Variants in RELCH observed in about 807,000 individuals in gnomAD.
RELCH encodes the protein RAB11-binding protein RELCH.
In RELCH, 41 loss-of-function variants were observed where a neutral mutation model predicts 150.3. That is an observed-to-expected ratio of 0.27 (90% CI 0.21 to 0.35). The LOEUF (loss-of-function observed/expected upper bound fraction) is 0.35, where lower values mean the gene tolerates loss of function less well. Among genes scored for constraint, RELCH ranks in the 10% least tolerant of loss-of-function variants. The pLI, the probability that RELCH is intolerant of heterozygous loss-of-function variation, is 1.00. For missense variants in RELCH, 1,092 were observed against 1,467.8 expected (o/e 0.74, Z 4.18); for synonymous variants, 478 against 531.8 (o/e 0.90, Z 1.39).
chr18:62,213,831 A>G (rs535771304), intron 2 of RELCH, among the ~76,000 whole-genome samples: 1 of 152,084 alleles, frequency 6.6e-6, no homozygotes, highest in South Asian at 2.1e-4. Flanking sequence ...CCTCTGACCA[A>G]ATTTCACTGT....
At chr18:62,255,531 C>A in intron 13 of RELCH, 53 bp downstream of exon 13, 2 of 1,318,720 alleles carry the variant, frequency 1.5e-6, no homozygotes, top group Non-Finnish European at 2.1e-6. Context: ...AATAGAAAAA[C>A]CTTTTTTTGA....
chr18:62,273,517 C>T lies in RELCH; in HGVS notation c.2761-463C>T, dbSNP rs1259432834. ...GCCAAAATTTATGGGAACAAAAATTCGTAAGGTAAATTTTAATAAAAGATT... is the reference window on the plus strand; with the variant it reads ...GCCAAAATTTATGGGAACAAAAATTTGTAAGGTAAATTTTAATAAAAGATT... On this transcript the variant is annotated intron_variant, in intron 20 of 28. Coordinates refer to ENST00000644646, the MANE Select transcript of RELCH (RefSeq NM_001346231.2). 3.9e-5 allele frequency among the ~76,000 whole-genome samples: 6 copies of T among 152,090 alleles called. No individual in the cohort carries two copies. The East Asian group carries it at 7.7e-4, about 20-fold the overall frequency.
chr18:62,295,591 G>GT (rs1006671394), intron 27 of RELCH, among the ~76,000 whole-genome samples: 3 of 151,698 alleles, frequency 2.0e-5, no homozygotes, highest in East Asian at 1.9e-4. Context: ...CTTTTTGTTT[G>GT]TTTTTTTGAG....
At position 62,307,784 on chromosome 18, in the gene RELCH, C is replaced by T. The variant is rs1325668583; in HGVS notation, c.*2250C>T. The stretch of plus-strand genomic sequence containing the variant: ...AATGAAAAGCTAATTTGAAATTATA[C>T]CTGTGTTTCCAGAGTAATCCAGAGA... On this transcript the variant is annotated 3_prime_UTR_variant, in exon 29 of 29. Transcript: ENST00000644646. 3 of 152,104 alleles carry T rather than the reference C, an allele frequency of 2.0e-5. No homozygotes were observed. The highest frequency in any genetic ancestry group is 4.4e-5 in the Non-Finnish European group (3 of 68,006). The allele number at this position is 152,104 out of a possible 1,614,324, so 9.4% of individuals were successfully genotyped here. A position where few individuals can be genotyped will look rare whatever the true frequency, so the allele number is the denominator to read the frequency against.
At chr18:62,256,388 C>T (rs1022822165) in intron 13 of RELCH, among the ~76,000 whole-genome samples, 3 of 151,876 alleles carry the variant, frequency 2.0e-5, no homozygotes, top group East Asian at 1.9e-4. Context: ...GAACTAGGCA[C>T]GGTGAAATTT....
intron 10 of RELCH, among the ~76,000 whole-genome samples, chr18:62,244,179 A>C (rs1275187435): frequency 6.6e-6 from 1 of 152,124 alleles, no homozygotes; most frequent in African/African-American, 2.4e-5. Context: ...ATGTGAAGAA[A>C]ACAAAATATT....
At chr18:62,211,311 T>A in intron 2 of RELCH, 69 bp downstream of exon 2, 1 of 956,260 alleles carries the variant, frequency 1.0e-6, no homozygotes, top group Non-Finnish European at 1.7e-6. Context: ...GCTTGAGGAA[T>A]TTTTTTCCTT....
chr18:62,261,423 C>T (rs2043263585), intron 15 of RELCH, 88 bp from the exon 16 acceptor site: 1 of 1,224,200 alleles, frequency 8.2e-7, no homozygotes, highest in Non-Finnish European at 1.2e-6. Flanking sequence ...CTTTGATTTG[C>T]CACAGTAAGG....
At chr18:62,254,672 A>T (rs1020219089) in intron 12 of RELCH, 1 of 151,894 alleles carries the variant, frequency 6.6e-6, no homozygotes, top group African/African-American at 2.4e-5. Flanking sequence ...TTATTATATA[A>T]TTTTTTTTCT....
intron 28 of RELCH, among the ~76,000 whole-genome samples, chr18:62,301,207 A>G (rs1404317966): frequency 6.6e-6 from 1 of 152,206 alleles, no homozygotes; most frequent in Admixed American, 6.5e-5. Flanking sequence ...GGGAACTGTA[A>G]GTAAAGCTAG....
intron 13 of RELCH, among the ~76,000 whole-genome samples, chr18:62,255,893 G>T (rs2042972798): frequency 6.6e-6 from 1 of 152,102 alleles, no homozygotes; most frequent in African/African-American, 2.4e-5. Flanking sequence ...AATCAGGGCA[G>T]TGGCACCCAA....
intron 2 of RELCH, among the ~76,000 whole-genome samples, chr18:62,216,385 C>G (rs560582435): frequency 2.0e-5 from 3 of 152,234 alleles, no homozygotes; most frequent in Admixed American, 6.5e-5. Context: ...TTCAGGTTCA[C>G]AAGATCCATC....
chr18:62,262,434 C>A (rs1568398547), intron 16 of RELCH, among the ~76,000 whole-genome samples: 1 of 152,040 alleles, frequency 6.6e-6, no homozygotes, highest in African/African-American at 2.4e-5. Flanking sequence ...CATCAACAGA[C>A]AATCTTCTTG....
chr18:62,294,530 C>G (rs2045310041), intron 27 of RELCH, among the ~76,000 whole-genome samples: 1 of 152,140 alleles, frequency 6.6e-6, no homozygotes, highest in Admixed American at 6.5e-5. Context: ...TTCATTTAGG[C>G]TGTCTTAACC....
chr18:62,253,205 C>G (rs73458582), intron 12 of RELCH, among the ~76,000 whole-genome samples: 10,800 of 149,476 alleles, frequency 0.072, 497 homozygotes, highest in East Asian at 0.19. Context: ...TCTGAATGAA[C>G]TAAGATGCAA....
intron 1 of RELCH, among the ~76,000 whole-genome samples, chr18:62,202,225 TA>T (rs1438763664): frequency 6.6e-6 from 1 of 152,204 alleles, no homozygotes; most frequent in African/African-American, 2.4e-5. Context: ...TAAAAGAGGC[TA>T]ATTTTCCCAA....
At chr18:62,220,262 T>C (rs73456691) in intron 2 of RELCH, among the ~76,000 whole-genome samples, 1,776 of 152,096 alleles carry the variant, frequency 0.012, 27 homozygotes, top group East Asian at 0.052. Flanking sequence ...CTTTTAGAAA[T>C]GTACACATTC....
chr18:62,212,051 C>A (rs962852858), intron 2 of RELCH, among the ~76,000 whole-genome samples: 1 of 152,212 alleles, frequency 6.6e-6, no homozygotes, highest in Non-Finnish European at 1.5e-5. Flanking sequence ...CCCATCCCCC[C>A]ATCCTCTCTC....
intron 20 of RELCH, 115 bp downstream of exon 20, chr18:62,269,063 AT>A: frequency 2.2e-6 from 1 of 452,618 alleles, no homozygotes; most frequent in Non-Finnish European, 4.0e-6. Flanking sequence ...CAATTTACTT[AT>A]TTTATTCAAT....
Sources: allele counts gnomAD v4.1 joint callset (sites outside exome capture counted in the v4.1 genomes callset), GRCh38; gene constraint gnomAD v4.1.1; transcripts MANE v1.5; gene names NCBI Gene and HGNC (gene_info 2026-07-23, HGNC 2026-07-21).